The following VPS54 variants were observed in gnomAD, a reference collection of about 807,000 sequenced individuals.
VPS54 encodes the protein VPS54 subunit of GARP complex, also known as vacuolar protein sorting-associated protein 54.
VPS54 carries 45 observed loss-of-function variants against 121.5 expected under a neutral mutation model. The observed-to-expected ratio is 0.37, with a 90% CI of 0.29 to 0.47. The LOEUF is 0.47. Ranked by LOEUF, VPS54 falls within the 20% of genes least tolerant of loss-of-function variation. VPS54 has a pLI of 0.99. For missense variants in VPS54, 1,090 were observed against 1,131.4 expected (o/e 0.96, Z 0.52); for synonymous variants, 371 against 385.8 (o/e 0.96, Z 0.45).
intron 12 of VPS54, among the ~76,000 whole-genome samples, chr2:63,928,966 T>A (rs560088521): frequency 6.6e-6 from 1 of 151,532 alleles, no homozygotes; most frequent in African/African-American, 2.4e-5. Context: ...CAAGAAGAAC[T>A]AACTATCCTA....
chr2:64,005,114 TTTTTTTTG>T (rs1469406272), intron 1 of VPS54, among the ~76,000 whole-genome samples: 2 of 120,716 alleles, frequency 1.7e-5, no homozygotes, highest in African/African-American at 6.6e-5. Context: ...TTTTTTTTTT[TTTTTTTTG>T]AGACGGAGTC....
rs1341354644 is a variant in VPS54, at chr2:63,919,781, A to T, written c.2164+102T>A. The T allele has an allele frequency of 5.4e-6, 4 of 734,290 alleles. No homozygotes were observed. In the East Asian group the frequency reaches 1.3e-4, roughly 23 times the overall value. The allele number at this position is 734,290 out of a possible 1,614,324, so 45.5% of individuals were successfully genotyped here. A position where few individuals can be genotyped will look rare whatever the true frequency, so the allele number is the denominator to read the frequency against. On this transcript the variant is annotated intron_variant, in intron 15 of 22. Transcript: ENST00000272322. ...TTACTAAGCTGGAAATATTGGTTCTAGCTTTGAAATAGGCATTGTCAACTA... is the reference window on the plus strand; with the variant it reads ...TTACTAAGCTGGAAATATTGGTTCTTGCTTTGAAATAGGCATTGTCAACTA...
chr2:63,898,924 T>C (rs1027938525), intron 21 of VPS54, among the ~76,000 whole-genome samples: 12 of 152,270 alleles, frequency 7.9e-5, no homozygotes, highest in African/African-American at 2.9e-4. Context: ...GGGAATACAG[T>C]AGCGATAGAA....
At position 64,016,737 on chromosome 2, in the gene VPS54, T is replaced by G. The variant is rs1049864946; in HGVS notation, c.-21+2201A>C. 3.3e-5 allele frequency among the ~76,000 whole-genome samples: 5 copies of G among 151,696 alleles called. No homozygotes were observed. In the East Asian group the frequency reaches 7.8e-4, roughly 24 times the overall value. The stretch of plus-strand genomic sequence containing the variant: ...GATTCGCCAGCCTCAGCCTCCCCAG[T>G]AGCTGGGATGACAGGCGCTCACCCC... On this transcript the variant is annotated intron_variant, in intron 1 of 22. Transcript: ENST00000272322.
intron 1 of VPS54, among the ~76,000 whole-genome samples, chr2:64,001,867 T>G (rs574241003): frequency 3.3e-5 from 5 of 152,178 alleles, no homozygotes; most frequent in African/African-American, 1.2e-4. Flanking sequence ...GGTGTTCCAA[T>G]TGATGTCTTA....
At chr2:63,897,306 T>C (rs1558974820) in intron 22 of VPS54, among the ~76,000 whole-genome samples, 190 bp downstream of exon 22, 2 of 151,770 alleles carry the variant, frequency 1.3e-5, no homozygotes, top group Non-Finnish European at 2.9e-5. Flanking sequence ...TGTCCATGTA[T>C]AAACCCCTTT....
intron 1 of VPS54, among the ~76,000 whole-genome samples, chr2:64,000,319 G>GT (rs1412061535): frequency 6.6e-6 from 1 of 152,146 alleles, no homozygotes; most frequent in African/African-American, 2.4e-5. Context: ...ATTTCTCTGA[G>GT]TTTTCTCAAC....
chr2:63,988,840 G>T (rs918841299), intron 1 of VPS54, among the ~76,000 whole-genome samples: 1 of 152,122 alleles, frequency 6.6e-6, no homozygotes, highest in African/African-American at 2.4e-5. Flanking sequence ...GATGTTCAGG[G>T]AACAAGGGAG....
chr2:64,000,295 CTG>C (rs1412204352), intron 1 of VPS54, among the ~76,000 whole-genome samples: 2 of 152,198 alleles, frequency 1.3e-5, no homozygotes, highest in East Asian at 1.9e-4. Flanking sequence ...AATTCCATCT[CTG>C]TGTTATCTTG....
chr2:64,008,952 C>T (rs1170848386), intron 1 of VPS54, among the ~76,000 whole-genome samples: 1 of 152,172 alleles, frequency 6.6e-6, no homozygotes, highest in African/African-American at 2.4e-5. Flanking sequence ...AATGAATCAA[C>T]GATCTCCATT....
chr2:63,893,442 C>G lies in VPS54; in HGVS notation c.2922G>C (p.Glu974Asp), dbSNP rs1672312033. ...TTCCAGGATGACATCACCTCTTCTG[C>G]TCCCAAATTTCGGCCATATTTAGGT... ...DLDLNMAEIW[E>D]QKR Residue 974 changes from glutamate (E) to aspartate (D), a missense_variant, in exon 23 of 23, where the codon GAG becomes GAC. By Grantham distance (45) the Glu-to-Asp change is conservative (BLOSUM62 2). Coordinates refer to ENST00000272322, the MANE Select transcript of VPS54 (RefSeq NM_016516.3). 9 of 1,613,886 alleles carry G rather than the reference C, an allele frequency of 5.6e-6. No homozygotes were observed. The East Asian group carries it at 1.8e-4, about 32-fold the overall frequency.
At chr2:64,007,164 A>G (rs1386991785) in intron 1 of VPS54, among the ~76,000 whole-genome samples, 1 of 152,228 alleles carries the variant, frequency 6.6e-6, no homozygotes, top group African/African-American at 2.4e-5. Flanking sequence ...AAGCATAGAA[A>G]AATGATCCTC....
At chr2:63,966,073 G>A in intron 5 of VPS54, 107 bp from the exon 6 acceptor site, 1 of 1,141,458 alleles carries the variant, frequency 8.8e-7, no homozygotes, top group Non-Finnish European at 1.2e-6. Flanking sequence ...TCTTGAGTAT[G>A]AATAGCAAAA....
At position 63,970,212 on chromosome 2, in the gene VPS54, T is replaced by TATACAC. The variant is rs1553480347; in HGVS notation, c.458-1222_458-1221insGTGTAT. 1.9e-3 allele frequency among the ~76,000 whole-genome samples: 214 copies of TATACAC among 113,692 alleles called. 4 individuals are homozygous for TATACAC. The highest frequency in any genetic ancestry group is 5.5e-3 in the African/African-American group (177 of 32,026). 74.6% of individuals were successfully genotyped at this position (113,692 alleles called of 152,430 possible). ...TTCCCATTAAAAAAAAATATATATA[T>TATACAC]ACACACACACACACACACACACACA... On this transcript the variant is annotated intron_variant, in intron 4 of 22. Coordinates refer to ENST00000272322, the MANE Select transcript of VPS54 (RefSeq NM_016516.3).
chr2:64,018,720 C>A (rs1362569360), intron 1 of VPS54, among the ~76,000 whole-genome samples: 3 of 147,938 alleles, frequency 2.0e-5, no homozygotes, highest in Non-Finnish European at 4.5e-5. Context: ...CAGCTGCCAG[C>A]CCCGATCCCG....
chr2:63,985,198 T>C (rs1355840171), intron 1 of VPS54, among the ~76,000 whole-genome samples: 1 of 152,064 alleles, frequency 6.6e-6, no homozygotes, highest in Non-Finnish European at 1.5e-5. Flanking sequence ...TGCATGCCTG[T>C]AGTCCAGTTA....
At chr2:63,896,228 G>A (rs1387721948) in intron 22 of VPS54, among the ~76,000 whole-genome samples, 2 of 152,106 alleles carry the variant, frequency 1.3e-5, no homozygotes, top group African/African-American at 4.8e-5. Flanking sequence ...TCTTAGGTGG[G>A]GTTCAGGTAT....
At chr2:63,994,307 A>C (rs1465690619) in intron 1 of VPS54, among the ~76,000 whole-genome samples, 3 of 152,142 alleles carry the variant, frequency 2.0e-5, no homozygotes, top group Non-Finnish European at 4.4e-5. Flanking sequence ...GGTTTTATTT[A>C]ATGATTCCCC....
At chr2:63,959,308 C>T (rs956331882) in intron 7 of VPS54, among the ~76,000 whole-genome samples, 1 of 152,138 alleles carries the variant, frequency 6.6e-6, no homozygotes, top group Non-Finnish European at 1.5e-5. Flanking sequence ...AACTACTTCA[C>T]GTATGATTCA....
Sources: allele counts gnomAD v4.1 joint callset (sites outside exome capture counted in the v4.1 genomes callset), GRCh38; gene constraint gnomAD v4.1.1; transcripts MANE v1.5; gene names NCBI Gene and HGNC (gene_info 2026-07-23, HGNC 2026-07-21).